Variants in TAFA1 observed in about 807,000 individuals in gnomAD.
The protein encoded by TAFA1 is TAFA chemokine like family member 1.
Under a neutral mutation model 18.5 loss-of-function variants are expected in TAFA1, and 4 were observed. That is an observed-to-expected ratio of 0.22 (90% CI 0.11 to 0.49). TAFA1 has a LOEUF of 0.49. TAFA1 is among the 20% of genes least tolerant of loss of function. The pLI, the probability that TAFA1 is intolerant of heterozygous loss-of-function variation, is 0.98. For missense variants in TAFA1, 147 were observed against 169.0 expected (o/e 0.87, Z 0.72); for synonymous variants, 56 against 55.2 (o/e 1.01, Z -0.06).
At chr3:68,246,855 TAG>T (rs2067091029) in intron 2 of TAFA1, 1 of 152,124 alleles carries the variant, frequency 6.6e-6, no homozygotes, top group South Asian at 2.1e-4. Context: ...TCATTTTTCC[TAG>T]GTCAAAAGGA....
intron 2 of TAFA1, among the ~76,000 whole-genome samples, chr3:68,044,776 A>C (rs1333308977): frequency 6.6e-6 from 1 of 152,186 alleles, no homozygotes; most frequent in Non-Finnish European, 1.5e-5. Context: ...CAAGTTTCAA[A>C]ATTTTTCTGG....
intron 2 of TAFA1, among the ~76,000 whole-genome samples, chr3:68,068,595 G>T (rs950076972): frequency 1.3e-5 from 2 of 152,146 alleles, no homozygotes; most frequent in Non-Finnish European, 2.9e-5. Flanking sequence ...TTCTTCCCCT[G>T]TGGTTTACCT....
chr3:68,045,253 C>T (rs767492502), intron 2 of TAFA1, among the ~76,000 whole-genome samples: 2 of 152,112 alleles, frequency 1.3e-5, no homozygotes, highest in South Asian at 4.1e-4. Context: ...CCTCTTAAGA[C>T]CTAGGCTTGA....
chr3:68,456,590 C>T (rs1250220574), intron 3 of TAFA1, among the ~76,000 whole-genome samples: 3 of 152,192 alleles, frequency 2.0e-5, no homozygotes, highest in Admixed American at 2.0e-4. Context: ...CTTTCACCTT[C>T]CTTTTGTTTT....
At chr3:68,307,838 T>C (rs994638472) in intron 2 of TAFA1, among the ~76,000 whole-genome samples, 3 of 152,110 alleles carry the variant, frequency 2.0e-5, no homozygotes, top group Admixed American at 2.0e-4. Flanking sequence ...GAGGTCAGGA[T>C]TAGTTATATG....
chr3:68,500,708 A>G (rs551461564), intron 3 of TAFA1, among the ~76,000 whole-genome samples: 2 of 6,398 alleles, frequency 3.1e-4, no homozygotes, highest in South Asian at 1.7e-3. Flanking sequence ...TCTTTTATGG[A>G]AAAAAAAAAG....
intron 2 of TAFA1, among the ~76,000 whole-genome samples, chr3:68,171,655 T>G (rs1164624560): frequency 1.3e-5 from 2 of 152,196 alleles, no homozygotes; most frequent in African/African-American, 4.8e-5. Flanking sequence ...TTTAAGCAAT[T>G]ACAAATATGT....
intron 2 of TAFA1, among the ~76,000 whole-genome samples, chr3:68,380,568 T>C (rs1051827435): frequency 1.3e-5 from 2 of 152,234 alleles, no homozygotes; most frequent in Admixed American, 6.5e-5. Context: ...AAATATCTTC[T>C]TTTGAGAAGT....
At chr3:68,441,218 G>T (rs1442216405) in intron 3 of TAFA1, among the ~76,000 whole-genome samples, 1 of 152,122 alleles carries the variant, frequency 6.6e-6, no homozygotes, top group Non-Finnish European at 1.5e-5. Context: ...TTTGAGTGAG[G>T]TCCAGAACAA....
intron 2 of TAFA1, among the ~76,000 whole-genome samples, chr3:68,298,443 G>T (rs987491449): frequency 6.6e-6 from 1 of 152,102 alleles, no homozygotes; most frequent in Non-Finnish European, 1.5e-5. Flanking sequence ...CATTGAAAGG[G>T]TTTGCAGCAG....
intron 2 of TAFA1, among the ~76,000 whole-genome samples, chr3:68,285,829 C>T (rs1240853392): frequency 1.3e-5 from 2 of 152,026 alleles, no homozygotes; most frequent in East Asian, 1.9e-4. Context: ...CAACCAACAA[C>T]GTGAGAGCAA....
At chr3:68,229,750 C>T (rs988284977) in intron 2 of TAFA1, among the ~76,000 whole-genome samples, 1 of 152,122 alleles carries the variant, frequency 6.6e-6, no homozygotes, top group African/African-American at 2.4e-5. Context: ...ATATAGTTGT[C>T]AATTCTTTGA....
intron 2 of TAFA1, among the ~76,000 whole-genome samples, chr3:68,250,607 G>A (rs1191150444): frequency 7.9e-5 from 12 of 151,996 alleles, no homozygotes; most frequent in Non-Finnish European, 1.6e-4. Flanking sequence ...TACTCAGTCA[G>A]CTAAGAGGTA....
chr3:68,365,937 T>G (rs940917034), intron 2 of TAFA1, among the ~76,000 whole-genome samples: 2 of 151,678 alleles, frequency 1.3e-5, no homozygotes, highest in Non-Finnish European at 2.9e-5. Flanking sequence ...ATACAAAAAT[T>G]AGCTGGGCAT....
chr3:68,418,484 G>A (rs936864915), intron 3 of TAFA1, among the ~76,000 whole-genome samples: 7 of 141,786 alleles, frequency 4.9e-5, no homozygotes, highest in Non-Finnish European at 9.3e-5. Flanking sequence ...GGCAAGGACC[G>A]GCCATTTACA....
intron 2 of TAFA1, among the ~76,000 whole-genome samples, chr3:68,080,538 G>C (rs2064883972): frequency 6.6e-6 from 1 of 152,084 alleles, no homozygotes; most frequent in South Asian, 2.1e-4. Flanking sequence ...GCATTTGCTT[G>C]TCTGTAAAGT....
intron 2 of TAFA1, among the ~76,000 whole-genome samples, chr3:68,118,154 T>C (rs564970703): frequency 6.6e-6 from 1 of 152,190 alleles, no homozygotes; most frequent in Non-Finnish European, 1.5e-5. Context: ...CTCACCATAA[T>C]GTAGAATCAG....
intron 2 of TAFA1, among the ~76,000 whole-genome samples, chr3:68,209,890 T>C (rs1232145336): frequency 6.6e-6 from 1 of 151,976 alleles, no homozygotes; most frequent in Non-Finnish European, 1.5e-5. Flanking sequence ...TTCAAATCTA[T>C]AGATGTGGAG....
chr3:68,121,633 T>A (rs1197741933), intron 2 of TAFA1, among the ~76,000 whole-genome samples: 1 of 149,818 alleles, frequency 6.7e-6, no homozygotes, highest in Non-Finnish European at 1.5e-5. Flanking sequence ...GTTTTTCTAA[T>A]TCTTTTAAAA....
Sources: allele counts gnomAD v4.1 joint callset (sites outside exome capture counted in the v4.1 genomes callset), GRCh38; gene constraint gnomAD v4.1.1; transcripts MANE v1.5; gene names NCBI Gene and HGNC (gene_info 2026-07-23, HGNC 2026-07-21).